Variants in ZNF217 observed in about 807,000 individuals in gnomAD.
The protein encoded by ZNF217 is zinc finger protein 217.
A neutral mutation model predicts 73.3 loss-of-function variants in ZNF217; 12 were observed. The observed-to-expected ratio is 0.16, with a 90% confidence interval of 0.10 to 0.27. ZNF217 has a LOEUF of 0.27. Ranked by LOEUF, ZNF217 falls within the 10% of genes least tolerant of loss-of-function variation. The probability of loss-of-function intolerance (pLI) is 1.00; values close to 1 mark genes in which losing one functional copy is unlikely to be tolerated. For missense variants in ZNF217, 1,195 were observed against 1,327.8 expected, an observed-to-expected ratio of 0.90 and a Z score of 1.55; for synonymous variants, 588 against 516.4, an observed-to-expected ratio of 1.14 and a Z score of -1.88.
rs748890703 is a variant in ZNF217, at chr20:53,576,996, C to T, written c.1768G>A (p.Ala590Thr). 12 of 1,614,170 alleles carry T rather than the reference C, an allele frequency of 7.4e-6. No individual in the cohort carries two copies. Among genetic ancestry groups the T allele is most frequent in the East Asian group, 2.2e-5 (1 of 44,890 alleles). The change falls in exon 4 of 6, where the codon GCT (alanine) becomes ACT (threonine). Residue 590 changes from alanine (A) to threonine (T), a missense_variant. Transcript: ENST00000371471. ...PSVFQNVLGS[A>T]VLSPAHKDTQ... is the part of the protein sequence containing the mutation. The stretch of plus-strand genomic sequence containing the variant: ...TCTTTGTGTGCTGGTGAGAGGACAG[C>T]GCTGCCCAGAACATTCTGAAAAACA...
At chr20:53,586,021 C>T (rs1988680615) in intron 1 of ZNF217, among the ~76,000 whole-genome samples, 1 of 152,144 alleles carries the variant, frequency 6.6e-6, no homozygotes, top group Non-Finnish European at 1.5e-5. Flanking sequence ...ACCCAGCACA[C>T]CCTACCCCCC....
At chr20:53,580,460 T>C (rs1255177258) in intron 2 of ZNF217, among the ~76,000 whole-genome samples, 2 of 152,202 alleles carry the variant, frequency 1.3e-5, no homozygotes, top group East Asian at 3.8e-4. Flanking sequence ...TTCAACTGTT[T>C]TAAGCAGCAA....
At position 53,582,323 on chromosome 20, in the gene ZNF217, A is replaced by C. The variant is rs1988541623; in HGVS notation, c.504T>G (p.Pro168=). Residue 168 remains proline, a synonymous_variant, in exon 2 of 6, where the codon CCT becomes CCG. Coordinates refer to ENST00000371471, the MANE Select transcript of ZNF217 (RefSeq NM_006526.3). The surrounding 1 kb of genome is among the most constrained non-coding windows in gnomAD (Gnocchi z 4.8). The part of the protein sequence containing the change: ...CNMCGRRFKE[P]WFLKNHMRTH... ...TCCGCATGTGATTTTTAAGAAACCAAGGCTCCTTGAATCTTCTTCCGCACA... is the reference window on the plus strand; with the variant it reads ...TCCGCATGTGATTTTTAAGAAACCACGGCTCCTTGAATCTTCTTCCGCACA... The C allele has an allele frequency of 1.2e-6, 2 of 1,612,704 alleles. No individual in the cohort carries two copies. The highest frequency in any genetic ancestry group is 1.1e-5 in the South Asian group (1 of 91,000).
upstream of ZNF217, among the ~76,000 whole-genome samples, chr20:53,595,548 A>C (rs1989027230): frequency 1.3e-5 from 2 of 152,324 alleles, no homozygotes; most frequent in South Asian, 4.1e-4. Flanking sequence ...TTTATATATA[A>C]CTACTAACCC....
upstream of ZNF217, among the ~76,000 whole-genome samples, chr20:53,595,972 A>G (rs1423832544): frequency 6.6e-6 from 1 of 152,244 alleles, no homozygotes; most frequent in Non-Finnish European, 1.5e-5. Flanking sequence ...TGCTGTAAAC[A>G]CAATAGCACT....
chr20:53,575,308 CAAA>C (rs1331591176), intron 4 of ZNF217: 1 of 155,940 alleles, frequency 6.4e-6, no homozygotes, highest in East Asian at 1.9e-4. Context: ...TCCATCTCTA[CAAA>C]AAAAATTTAA....
chr20:53,571,330 TA>T (rs1987987574), intron 5 of ZNF217, among the ~76,000 whole-genome samples: 1 of 151,794 alleles, frequency 6.6e-6, no homozygotes, highest in Non-Finnish European at 1.5e-5. Flanking sequence ...AAATCCAACT[TA>T]AAAGCAATTT....
At chr20:53,597,313 A>C (rs1389543005), upstream of ZNF217, among the ~76,000 whole-genome samples, 1 of 152,156 alleles carries the variant, frequency 6.6e-6, no homozygotes, top group Non-Finnish European at 1.5e-5. Context: ...ACGTAAAAGA[A>C]TTCAGTGTTC....
At chr20:53,571,595 A>G in intron 5 of ZNF217, 126 bp downstream of exon 5, 1 of 1,206,686 alleles carries the variant, frequency 8.3e-7, no homozygotes, top group African/African-American at 1.6e-5. Flanking sequence ...TAGTACAGAC[A>G]GGGGTTTCAC....
intron 1 of ZNF217, among the ~76,000 whole-genome samples, chr20:53,592,614 T>C (rs899664627): frequency 3.3e-4 from 45 of 137,040 alleles, no homozygotes; most frequent in African/African-American, 1.1e-3. Flanking sequence ...CTTCTCAAAC[T>C]CCCGGGACCC....
intron 2 of ZNF217, among the ~76,000 whole-genome samples, chr20:53,580,696 C>T (rs988259215): frequency 6.6e-6 from 1 of 152,180 alleles, no homozygotes; most frequent in Non-Finnish European, 1.5e-5. Context: ...AAAATGTCTT[C>T]AGTGTGCTCA....
upstream of ZNF217, among the ~76,000 whole-genome samples, chr20:53,596,806 G>C (rs1200356231): frequency 6.6e-6 from 1 of 151,622 alleles, no homozygotes; most frequent in East Asian, 1.9e-4. Flanking sequence ...AAAAAACAAA[G>C]AATGGAACCA....
At chr20:53,573,779 A>G (rs1053156546) in intron 4 of ZNF217, among the ~76,000 whole-genome samples, 11 of 152,114 alleles carry the variant, frequency 7.2e-5, no homozygotes, top group African/African-American at 2.4e-4. Flanking sequence ...ACTTTAAATC[A>G]TCTCTACACT....
At chr20:53,589,872 T>C (rs1392399612) in intron 1 of ZNF217, among the ~76,000 whole-genome samples, 6 of 151,966 alleles carry the variant, frequency 3.9e-5, no homozygotes, top group Non-Finnish European at 7.4e-5. Context: ...TTTTTTTTCT[T>C]CCATGTGCGT....
Position 53,582,035 on chromosome 20 carries a change from G to T in ZNF217, c.792C>A (p.Asp264Glu). The T allele has an allele frequency of 6.2e-7, 1 of 1,614,220 alleles. No individual in the cohort carries two copies. The highest frequency in any genetic ancestry group is 8.5e-7 in the Non-Finnish European group (1 of 1,180,040). The change falls in exon 2 of 6, where the codon GAC becomes GAA. Residue 264 changes from aspartate to glutamate, a missense_variant. Coordinates refer to ENST00000371471, the MANE Select transcript of ZNF217 (RefSeq NM_006526.3). The surrounding 1 kb of genome is among the most constrained non-coding windows in gnomAD (Gnocchi z 4.8). The part of the protein sequence containing the change: ...PQGGMPSSRE[D>E]FLQLFNLRPK... ...GTCTCAAGTTGAACAACTGCAGGAA[G>T]TCCTCCCTCGAGGACGGCATTCCTC...
chr20:53,594,421 T>C (rs1266449569), upstream of ZNF217, among the ~76,000 whole-genome samples: 3 of 144,352 alleles, frequency 2.1e-5, no homozygotes, highest in Non-Finnish European at 3.0e-5. Context: ...GTGACTAGCA[T>C]AGGCGCGCCC....
Position 53,582,507 on chromosome 20 carries a change from G to C in ZNF217, c.320C>G (p.Pro107Arg). 1 of 1,614,112 alleles carries C rather than the reference G, an allele frequency of 6.2e-7. No individual in the cohort carries two copies. The highest frequency in any genetic ancestry group is 8.5e-7 in the Non-Finnish European group (1 of 1,180,030). Residue 107 changes from proline to arginine, a missense_variant, in exon 2 of 6, where the codon CCG (proline) becomes CGG (arginine). Transcript: ENST00000371471. This position sits in a 1 kb window ranked among gnomAD's most constrained non-coding sequence, Gnocchi z 4.8. ...VLRVEAEYLS[P>R]LDKSQVRTEP... The stretch of plus-strand genomic sequence containing the variant: ...TGTTCGCACTTGACTTTTATCAAGC[G>C]GACTGAGATACTCTGCTTCAACCCG...
intron 1 of ZNF217, among the ~76,000 whole-genome samples, chr20:53,593,058 CATCCAGGA>C (rs1310830678): frequency 6.6e-6 from 1 of 151,904 alleles, no homozygotes; most frequent in African/African-American, 2.4e-5. Flanking sequence ...TTATCGCACA[CATCCAGGA>C]AACGCAGCCC....
intron 1 of ZNF217, 110 bp downstream of exon 1, chr20:53,593,646 T>TGG (rs902216630): frequency 2.0e-5 from 3 of 147,148 alleles, no homozygotes; most frequent in South Asian, 2.2e-4. Context: ...GAGGTCATCC[T>TGG]GGGGGGGGAC....
Sources: gnomAD v4.1 joint callset for allele counts (sites outside exome capture counted in the v4.1 genomes callset) on GRCh38, gnomAD v4.1.1 for gene constraint, Gnocchi (gnomAD v3.1) non-coding constraint, MANE v1.5 for transcripts, NCBI Gene and HGNC (gene_info 2026-07-23, HGNC 2026-07-21) for gene names.